The following ESRRG variants were observed in gnomAD, a reference collection of about 807,000 sequenced individuals.
ESRRG encodes estrogen related receptor gamma, also known as estrogen-related receptor gamma.
A neutral mutation model predicts 44.0 loss-of-function variants in ESRRG; 13 were observed. The observed-to-expected ratio is 0.30, with a 90% CI of 0.19 to 0.47. The LOEUF is 0.47. Ranked by LOEUF, ESRRG falls within the 20% of genes least tolerant of loss-of-function variation. ESRRG has a pLI of 1.00. For missense variants in ESRRG, 395 were observed against 580.6 expected (o/e 0.68, Z 3.29); for synonymous variants, 215 against 214.6 (o/e 1.00, Z -0.02).
At chr1:216,510,841 T>G (rs185814851) in intron 6 of ESRRG, among the ~76,000 whole-genome samples, 1 of 151,914 alleles carries the variant, frequency 6.6e-6, no homozygotes, top group Non-Finnish European at 1.5e-5. Context: ...GCCACTGCAC[T>G]CCAGCCTGGG....
At chr1:216,994,658 T>TG (rs1458177424) in intron 1 of ESRRG, among the ~76,000 whole-genome samples, 26 of 152,142 alleles carry the variant, frequency 1.7e-4, no homozygotes, top group African/African-American at 5.8e-4. Context: ...GTCGGCTCAC[T>TG]GCAAGCTCCA....
chr1:216,652,240 G>A (rs540770865), intron 2 of ESRRG, among the ~76,000 whole-genome samples: 11 of 152,222 alleles, frequency 7.2e-5, no homozygotes, highest in Non-Finnish European at 1.2e-4. Flanking sequence ...TGAAACATGC[G>A]CAGATTCTAG....
intron 1 of ESRRG, among the ~76,000 whole-genome samples, chr1:216,956,375 A>G (rs2067955560): frequency 6.6e-6 from 1 of 152,056 alleles, no homozygotes; most frequent in Non-Finnish European, 1.5e-5. Context: ...CAACACCTCA[A>G]TGAATGTTAT....
At chr1:217,064,850 T>C (rs1271910231) in intron 1 of ESRRG, among the ~76,000 whole-genome samples, 2 of 152,320 alleles carry the variant, frequency 1.3e-5, no homozygotes, top group Admixed American at 1.3e-4. Flanking sequence ...TACCCTACCC[T>C]GGTTATGCTA....
chr1:216,546,787 T>C (rs2054639217), intron 5 of ESRRG, among the ~76,000 whole-genome samples: 1 of 150,298 alleles, frequency 6.7e-6, no homozygotes, highest in Non-Finnish European at 1.5e-5. Context: ...AGACCTAAAT[T>C]TAAATTTCAC....
intron 3 of ESRRG, among the ~76,000 whole-genome samples, chr1:216,627,271 T>C (rs561872471): frequency 1.3e-5 from 2 of 152,332 alleles, no homozygotes; most frequent in Admixed American, 6.5e-5. Flanking sequence ...TTTTTTAAAA[T>C]GTATAAATTT....
At chr1:216,685,065 A>C (rs1357149763) in intron 1 of ESRRG, among the ~76,000 whole-genome samples, 1 of 152,172 alleles carries the variant, frequency 6.6e-6, no homozygotes, top group Non-Finnish European at 1.5e-5. Context: ...ACTTTACACA[A>C]GTTACTCTTC....
intron 3 of ESRRG, among the ~76,000 whole-genome samples, chr1:216,642,733 G>A (rs566772010): frequency 2.6e-5 from 4 of 152,184 alleles, no homozygotes; most frequent in African/African-American, 4.8e-5. Context: ...GGCAGTAGGA[G>A]CCCAAATTTC....
rs556694274 is a variant in ESRRG, at chr1:216,647,846, C to T, written c.589+3127G>A. Among the ~76,000 whole-genome samples the T allele has an allele frequency of 8.5e-5, 13 of 152,248 alleles. No homozygotes were observed. The South Asian group carries it at 1.0e-3, about 12-fold the overall frequency. On this transcript the variant is annotated intron_variant, in intron 3 of 6. Coordinates refer to ENST00000408911, the MANE Select transcript of ESRRG (RefSeq NM_001438.4). ...GGATTTGGCCAGTTGAATAAAAATA[C>T]CTGTTAAAGGAGAGAAAGTTCCCAT... is the stretch of plus-strand genomic sequence containing the variant.
intron 1 of ESRRG, among the ~76,000 whole-genome samples, chr1:217,074,066 G>A (rs938657535): frequency 1.9e-5 from 1 of 53,642 alleles, no homozygotes; most frequent in East Asian, 5.7e-4. Context: ...TTTTTTTTTT[G>A]AGACAGAGTC....
intron 2 of ESRRG, among the ~76,000 whole-genome samples, chr1:216,902,792 A>G (rs1577916537): frequency 6.6e-6 from 1 of 152,202 alleles, no homozygotes; most frequent in Non-Finnish European, 1.5e-5. Context: ...TACCTCATGG[A>G]ACATGCTGAT....
intron 5 of ESRRG, among the ~76,000 whole-genome samples, chr1:216,559,755 A>C (rs2058349622): frequency 6.6e-6 from 1 of 152,214 alleles, no homozygotes; most frequent in South Asian, 2.1e-4. Context: ...TGAGTATTTT[A>C]AAAATGAAAC....
chr1:216,533,683 C>T (rs1315065190), intron 5 of ESRRG, among the ~76,000 whole-genome samples: 1 of 152,106 alleles, frequency 6.6e-6, no homozygotes, highest in African/African-American at 2.4e-5. Flanking sequence ...TATACTAACG[C>T]ATGTTCCCTA....
At chr1:216,881,633 C>A (rs1322986041) in intron 2 of ESRRG, among the ~76,000 whole-genome samples, 2 of 151,992 alleles carry the variant, frequency 1.3e-5, no homozygotes, top group Admixed American at 6.6e-5. Context: ...CCTCCCAGCT[C>A]CCCCAACAAC....
At chr1:216,543,283 T>A (rs962207854) in intron 5 of ESRRG, among the ~76,000 whole-genome samples, 6 of 152,028 alleles carry the variant, frequency 3.9e-5, no homozygotes, top group Non-Finnish European at 5.9e-5. Context: ...AGATTATCAT[T>A]TTGTATTCAT....
At chr1:216,937,556 A>G (rs1578374430) in intron 2 of ESRRG, among the ~76,000 whole-genome samples, 2 of 152,290 alleles carry the variant, frequency 1.3e-5, no homozygotes, top group Non-Finnish European at 2.9e-5. Flanking sequence ...GTTTGAATTT[A>G]AGAACCACTG....
upstream of ESRRG, among the ~76,000 whole-genome samples, chr1:217,094,611 T>C (rs958589341): frequency 3.3e-5 from 5 of 152,242 alleles, no homozygotes; most frequent in Admixed American, 2.0e-4. Context: ...GTGCCTTATC[T>C]TACATCTGAG....
chr1:216,576,671 T>C (rs925297445), intron 3 of ESRRG, among the ~76,000 whole-genome samples: 1 of 152,004 alleles, frequency 6.6e-6, no homozygotes, highest in African/African-American at 2.4e-5. Flanking sequence ...TGTGCTAAAT[T>C]TATAATCTGC....
chr1:216,746,071 A>T (rs894172120), intron 2 of ESRRG, among the ~76,000 whole-genome samples: 3 of 152,220 alleles, frequency 2.0e-5, no homozygotes, highest in Non-Finnish European at 4.4e-5. Flanking sequence ...ATAATGTAAA[A>T]ATAATAACAG....
Sources: allele counts gnomAD v4.1 joint callset (sites outside exome capture counted in the v4.1 genomes callset), GRCh38; gene constraint gnomAD v4.1.1; transcripts MANE v1.5; gene names NCBI Gene and HGNC (gene_info 2026-07-23, HGNC 2026-07-21).